The following MAPRE1 variants were observed in gnomAD, a reference collection of about 807,000 sequenced individuals.
MAPRE1 encodes the protein microtubule associated protein RP/EB family member 1, also known as microtubule-associated protein RP/EB family member 1.
A neutral mutation model predicts 32.1 loss-of-function variants in MAPRE1; 5 were observed. The ratio of observed to expected loss-of-function variants is 0.16; its 90% confidence interval spans 0.08 to 0.33. The LOEUF is 0.33. MAPRE1 is among the 10% of genes least tolerant of loss of function. The pLI, the probability that MAPRE1 is intolerant of heterozygous loss-of-function variation, is 1.00. For synonymous variants in MAPRE1, 122 were observed against 118.9 expected, an observed-to-expected ratio of 1.03 and a Z score of -0.17; for missense variants, 209 against 327.2, an observed-to-expected ratio of 0.64 and a Z score of 2.79.
At chr20:32,836,462 T>C (rs1983205307) in intron 3 of MAPRE1, among the ~76,000 whole-genome samples, 172 bp from the exon 4 acceptor site, 1 of 152,236 alleles carries the variant, frequency 6.6e-6, no homozygotes, top group African/African-American at 2.4e-5. Flanking sequence ...GTAGGTACTC[T>C]TGAAGGCAAA....
chr20:32,824,748 C>T (rs550490609), intron 1 of MAPRE1, among the ~76,000 whole-genome samples: 2 of 151,524 alleles, frequency 1.3e-5, no homozygotes, highest in South Asian at 2.1e-4. Context: ...GCTCCTCCCA[C>T]GTCAGCCTCC....
intron 2 of MAPRE1, among the ~76,000 whole-genome samples, chr20:32,831,201 T>G (rs1983012066): frequency 6.6e-6 from 1 of 152,016 alleles, no homozygotes; most frequent in Middle Eastern, 3.4e-3. Context: ...TCCAGCACTT[T>G]GGGAGGCCGA....
At chr20:32,822,460 T>C (rs1982728386) in intron 1 of MAPRE1, among the ~76,000 whole-genome samples, 1 of 152,196 alleles carries the variant, frequency 6.6e-6, no homozygotes, top group Admixed American at 6.5e-5. Flanking sequence ...ACTGTTGCAG[T>C]GCATCTCCGT....
chr20:32,839,574 T>G (rs987737677), intron 4 of MAPRE1, among the ~76,000 whole-genome samples, 161 bp from the exon 5 acceptor site: 5 of 152,202 alleles, frequency 3.3e-5, no homozygotes, highest in Non-Finnish European at 5.9e-5. Context: ...TAGGCAAATG[T>G]GGGAGCGTTG....
intron 1 of MAPRE1, among the ~76,000 whole-genome samples, chr20:32,820,417 G>C (rs1005532438): frequency 1.3e-5 from 2 of 152,164 alleles, no homozygotes; most frequent in African/African-American, 2.4e-5. Flanking sequence ...CGTGTTGCCT[G>C]AGGGCCGAGA....
At position 32,847,107 on chromosome 20, in the gene MAPRE1, T is replaced by C. The variant is rs536334868; in HGVS notation, c.750+337T>C. Reference sequence around the variant, plus strand: ...TATTGCTTGGATCCCTCAGCTTCAGTTGCTGCCTCCATTTTATCAGGGCCC... The same window carrying C: ...TATTGCTTGGATCCCTCAGCTTCAGCTGCTGCCTCCATTTTATCAGGGCCC... On this transcript the variant is annotated intron_variant, in intron 6 of 6. Transcript: ENST00000375571. Among the ~76,000 whole-genome samples, 15 of 152,350 alleles carry C rather than the reference T, an allele frequency of 9.8e-5. No homozygotes were observed. The South Asian group carries it at 2.1e-3, about 21-fold the overall frequency.
intron 5 of MAPRE1, among the ~76,000 whole-genome samples, chr20:32,845,900 GCTTTAC>G: frequency 6.6e-6 from 1 of 152,200 alleles, no homozygotes; most frequent in Admixed American, 6.5e-5. Context: ...TGATTTTGTT[GCTTTAC>G]TTTCCATGCT....
chr20:32,835,375 T>TTTTTG (rs1424369510), intron 3 of MAPRE1, among the ~76,000 whole-genome samples: 1 of 145,286 alleles, frequency 6.9e-6, no homozygotes, highest in Non-Finnish European at 1.5e-5. Flanking sequence ...TTTTTTTTTT[T>TTTTTG]TTTTTGAGAT....
intron 2 of MAPRE1, among the ~76,000 whole-genome samples, chr20:32,831,755 G>A (rs532719388): frequency 6.6e-6 from 1 of 151,864 alleles, no homozygotes; most frequent in Non-Finnish European, 1.5e-5. Flanking sequence ...GGCTGGTCTC[G>A]ATCTCCTGAC....
rs1340476676 is a variant in MAPRE1 at position 32,833,783 on chromosome 20, T to C, written c.188T>C (p.Phe63Ser). The C allele has an allele frequency of 6.2e-7, 1 of 1,614,048 alleles. No homozygotes were observed. ...TCCATTGCCTTGAAGAAAGTGAAATTCCAAGCTAAGCTAGAACACGAGTAC... is the reference window on the plus strand; with the variant it reads ...TCCATTGCCTTGAAGAAAGTGAAATCCCAAGCTAAGCTAGAACACGAGTAC... The part of the protein sequence containing the change: ...PGSIALKKVK[F>S]QAKLEHEYIQ... Residue 63 changes from phenylalanine to serine, a missense_variant, in exon 3 of 7, where the codon TTC (phenylalanine) becomes TCC (serine). Coordinates refer to ENST00000375571, the MANE Select transcript of MAPRE1 (RefSeq NM_012325.3).
In MAPRE1 at chr20:32,848,784, C is replaced by G; in HGVS notation, c.*56C>G. ...TCTTCACTCCAAATCATGTGCTTAA[C>G]TGTAAAATACTCCCTTTTGTTATCC... On this transcript the variant is annotated 3_prime_UTR_variant, in exon 7 of 7. Transcript: ENST00000375571. 2.8e-6 allele frequency: 4 copies of G among 1,436,008 alleles called. No individual in the cohort carries two copies. Among genetic ancestry groups the G allele is most frequent in the South Asian group, 1.2e-5 (1 of 82,658 alleles). The allele number at this position is 1,436,008 out of a possible 1,614,324, so 89.0% of individuals were successfully genotyped here.
chr20:32,833,583 A>G (rs1185838891), intron 2 of MAPRE1, 134 bp from the exon 3 acceptor site: 6 of 692,168 alleles, frequency 8.7e-6, no homozygotes, highest in Non-Finnish European at 1.5e-5. Flanking sequence ...TTGACTTCAC[A>G]TGAAGTTAGT....
chr20:32,839,744 G>A lies in MAPRE1; in HGVS notation c.485G>A (p.Arg162Lys), dbSNP rs753732974. Residue 162 changes from arginine to lysine, a missense_variant, in exon 5 of 7, where the codon AGG becomes AAG. Physicochemically the swap from Arg to Lys is conservative, Grantham distance 26. Transcript: ENST00000375571. ...GTGCTCTCTTTTTCAGCTCCCCAGA[G>A]GCCCATCTCAACACAGAGAACCGCT... ...PLTSSSAAPQRPISTQRTAAA... is the reference protein window; with the variant it reads ...PLTSSSAAPQKPISTQRTAAA... The A allele has an allele frequency of 9.3e-6, 15 of 1,613,958 alleles. No individual in the cohort carries two copies. The African/African-American group carries it at 2.0e-4, about 22-fold the overall frequency.
At chr20:32,832,530 G>T (rs1706800869) in intron 2 of MAPRE1, among the ~76,000 whole-genome samples, 1 of 146,338 alleles carries the variant, frequency 6.8e-6, no homozygotes, top group African/African-American at 2.5e-5. Context: ...GCAGTGATGT[G>T]ATCATGGCTC....
At chr20:32,825,400 T>G (rs1982815686) in intron 1 of MAPRE1, among the ~76,000 whole-genome samples, 1 of 152,192 alleles carries the variant, frequency 6.6e-6, no homozygotes, top group Admixed American at 6.5e-5. Context: ...TGTTGGGCAG[T>G]TCATTTCAGG....
In MAPRE1 at chr20:32,837,430, G is replaced by C. The variant is rs541913882; in HGVS notation, c.475+589G>C. ...AGTCAGGGGCGGGGGTAGGGGAGAG[G>C]CTGATTTTACATACCTTCTCAAAAG... is the stretch of plus-strand genomic sequence containing the variant. On this transcript the variant is annotated intron_variant, in intron 4 of 6. Coordinates refer to ENST00000375571, the MANE Select transcript of MAPRE1 (RefSeq NM_012325.3). Among the ~76,000 whole-genome samples the C allele has an allele frequency of 9.9e-5, 15 of 152,252 alleles. 1 individual carries two copies. In the South Asian group the frequency reaches 3.1e-3, roughly 32 times the overall value.
chr20:32,827,184 T>G (rs1982877603), intron 2 of MAPRE1, among the ~76,000 whole-genome samples: 2 of 152,034 alleles, frequency 1.3e-5, no homozygotes, highest in Non-Finnish European at 2.9e-5. Flanking sequence ...GGCAGGCAGA[T>G]CACCTGAGGT....
Position 32,826,025 on chromosome 20 carries a change from C to CA in MAPRE1, c.101dup (p.Ile35AspfsTer32). On this transcript the variant is annotated frameshift_variant, in exon 2 of 7. Coordinates refer to ENST00000375571, the MANE Select transcript of MAPRE1 (RefSeq NM_012325.3). LOFTEE classifies it high-confidence loss of function. ...AATGAGTCTCTGCAGTTGAATCTGA[C>CA]AAAGATCGAACAGTTGTGCTCAGGT... The CA allele has an allele frequency of 6.2e-7, 1 of 1,607,674 alleles. No individual in the cohort carries two copies. Among genetic ancestry groups the CA allele is most frequent in the Non-Finnish European group, 8.5e-7 (1 of 1,175,020 alleles).
In MAPRE1 at chr20:32,848,812, A is replaced by G. The variant is rs1423655793; in HGVS notation, c.*84A>G. 1.6e-6 allele frequency: 2 copies of G among 1,221,744 alleles called. No homozygotes were observed. The highest frequency in any genetic ancestry group is 1.2e-6 in the Non-Finnish European group (1 of 868,436). The allele number at this position is 1,221,744 out of a possible 1,614,324, so 75.7% of individuals were successfully genotyped here. On this transcript the variant is annotated 3_prime_UTR_variant, in exon 7 of 7. Coordinates refer to ENST00000375571, the MANE Select transcript of MAPRE1 (RefSeq NM_012325.3). The stretch of plus-strand genomic sequence containing the variant: ...TAAAATACTCCCTTTTGTTATCCTT[A>G]GAGGACTCACTGGTTTCTTTTCATA...
Sources: allele counts gnomAD v4.1 joint callset (sites outside exome capture counted in the v4.1 genomes callset), GRCh38; gene constraint gnomAD v4.1.1; transcripts MANE v1.5; gene names NCBI Gene and HGNC (gene_info 2026-07-23, HGNC 2026-07-21).